DDI2: variants seen among roughly 807,000 people sequenced by gnomAD.
The protein encoded by DDI2 is protein DDI1 homolog 2.
Under a neutral mutation model 48.1 loss-of-function variants are expected in DDI2, and 5 were observed. The ratio of observed to expected loss-of-function variants is 0.10; its 90% CI spans 0.05 to 0.22. DDI2 has a LOEUF of 0.22. DDI2 is among the 10% of genes least tolerant of loss of function. The pLI, the probability that DDI2 is intolerant of heterozygous loss-of-function variation, is 1.00. For missense variants in DDI2, 285 were observed against 506.2 expected, an observed-to-expected ratio of 0.56 and a Z score of 4.19; for synonymous variants, 205 against 183.6, an observed-to-expected ratio of 1.12 and a Z score of -0.94.
intron 4 of DDI2, chr1:15,633,904 A>G (rs1183469585): frequency 2.3e-6 from 1 of 441,554 alleles, no homozygotes; most frequent in Non-Finnish European, 4.5e-6. Flanking sequence ...CTGGTTGCAT[A>G]TTACATGGGC....
chr1:15,631,660 C>T (rs867713431), intron 3 of DDI2, among the ~76,000 whole-genome samples: 1 of 152,180 alleles, frequency 6.6e-6, no homozygotes, highest in Admixed American at 6.5e-5. Flanking sequence ...ATTTCTCTCA[C>T]TCCAGAAAGT....
chr1:15,636,642 T>G (rs1639934701), intron 4 of DDI2, among the ~76,000 whole-genome samples: 1 of 152,202 alleles, frequency 6.6e-6, no homozygotes, highest in Non-Finnish European at 1.5e-5. Flanking sequence ...CAGCTAATTA[T>G]AGTGATAGGG....
At chr1:15,658,659 C>T (rs1251757596) in intron 9 of DDI2, among the ~76,000 whole-genome samples, 1 of 151,116 alleles carries the variant, frequency 6.6e-6, no homozygotes, top group Non-Finnish European at 1.5e-5. Context: ...TACTCTGAGG[C>T]AGGAGAATCG....
In DDI2 at chr1:15,638,214, T is replaced by G; in HGVS notation, c.633-93T>G. The stretch of plus-strand genomic sequence containing the variant: ...GCTGCTGTGCTTGGGGCAAAAGATA[T>G]GTACAAATCTGTTTTTTAATATTGT... On this transcript the variant is annotated intron_variant, in intron 4 of 9. Transcript: ENST00000480945. The G allele has an allele frequency of 2.5e-6, 4 of 1,572,340 alleles. No individual in the cohort carries two copies. The South Asian group carries it at 4.5e-5, about 18-fold the overall frequency.
At chr1:15,659,560 A>C (rs963073802) in intron 9 of DDI2, among the ~76,000 whole-genome samples, 2 of 152,228 alleles carry the variant, frequency 1.3e-5, no homozygotes, top group African/African-American at 4.8e-5. Flanking sequence ...CCTGAGCACT[A>C]ACCCCGCCAT....
chr1:15,653,687 A>G (rs1241837861), intron 8 of DDI2, among the ~76,000 whole-genome samples: 3 of 152,014 alleles, frequency 2.0e-5, no homozygotes, highest in African/African-American at 7.3e-5. Flanking sequence ...TGTAAAGATG[A>G]GGTTTTGCCA....
chr1:15,647,209 G>A lies in DDI2; in HGVS notation c.890-2511G>A, dbSNP rs111664387. Among the ~76,000 whole-genome samples, 172 of 151,470 alleles carry A rather than the reference G, an allele frequency of 1.1e-3. 1 individual carries two copies. The highest frequency in any genetic ancestry group is 2.1e-3 in the Non-Finnish European group (140 of 67,904). ...GTTGCCCACACTGGAGTGCGGTGGC[G>A]TAATCTTGGCTCACTTCAACCTGTG... On this transcript the variant is annotated intron_variant, in intron 6 of 9. Transcript: ENST00000480945.
rs1204754989 is a variant in DDI2 at position 15,645,189 on chromosome 1, G to A, written c.889+1539G>A. On this transcript the variant is annotated intron_variant, in intron 6 of 9. Transcript: ENST00000480945. ...ATTATGGCGTGAGCCACCGTTCCCAGCCTTCTTTTTCTTCTTTGAAGCTTG... is the reference window on the plus strand; with the variant it reads ...ATTATGGCGTGAGCCACCGTTCCCAACCTTCTTTTTCTTCTTTGAAGCTTG... Among the ~76,000 whole-genome samples, 3 of 152,256 alleles carry A rather than the reference G, an allele frequency of 2.0e-5. No homozygotes were observed. In the East Asian group the frequency reaches 5.8e-4, roughly 29 times the overall value.
chr1:15,633,167 G>A (rs917713690), intron 3 of DDI2, among the ~76,000 whole-genome samples: 1 of 151,872 alleles, frequency 6.6e-6, no homozygotes, highest in Non-Finnish European at 1.5e-5. Flanking sequence ...AGGCTCAAAC[G>A]GTCCTCCCAC....
In DDI2 at chr1:15,659,882, C is replaced by G. The variant is rs1362885562; in HGVS notation, c.*92C>G. On this transcript the variant is annotated 3_prime_UTR_variant, in exon 10 of 10. Transcript: ENST00000480945. ...ACCTCACTGGGAATGTCATCATTACCAACTTCAGATGGGTTTAACCATCCC... is the reference window on the plus strand; with the variant it reads ...ACCTCACTGGGAATGTCATCATTACGAACTTCAGATGGGTTTAACCATCCC... 1 of 1,577,436 alleles carries G rather than the reference C, an allele frequency of 6.3e-7. No individual in the cohort carries two copies. The highest frequency in any genetic ancestry group is 1.9e-5 in the Admixed American group (1 of 52,224).
intron 8 of DDI2, among the ~76,000 whole-genome samples, 175 bp downstream of exon 8, chr1:15,652,070 T>C (rs562222394): frequency 7.0e-6 from 1 of 142,600 alleles, no homozygotes; most frequent in Non-Finnish European, 1.5e-5. Context: ...TTTTTTTTTT[T>C]TTTTTTTTTT....
At chr1:15,619,769 G>GT (rs1639628395) in intron 1 of DDI2, among the ~76,000 whole-genome samples, 1 of 152,018 alleles carries the variant, frequency 6.6e-6, no homozygotes, top group Non-Finnish European at 1.5e-5. Context: ...TTTTTCAATT[G>GT]TTTTTTCCTC....
intron 2 of DDI2, among the ~76,000 whole-genome samples, chr1:15,629,900 T>G (rs970882306): frequency 1.3e-5 from 2 of 151,816 alleles, no homozygotes; most frequent in South Asian, 2.1e-4. Flanking sequence ...CCCAGCTAAT[T>G]TTTGTATATT....
chr1:15,641,579 C>G (rs1640008452), intron 5 of DDI2, among the ~76,000 whole-genome samples: 1 of 152,118 alleles, frequency 6.6e-6, no homozygotes. Flanking sequence ...ATTACGCATC[C>G]ACGGAGTGGT....
chr1:15,629,266 A>G (rs187222207), intron 2 of DDI2, among the ~76,000 whole-genome samples: 2 of 152,324 alleles, frequency 1.3e-5, no homozygotes, highest in Admixed American at 6.5e-5. Flanking sequence ...AGAATTTAGC[A>G]TCTAATATTT....
chr1:15,627,006 C>A, intron 2 of DDI2: 1 of 612,564 alleles, frequency 1.6e-6, no homozygotes, highest in Non-Finnish European at 2.8e-6. Context: ...TAATTAACCC[C>A]AACTCCTAAA....
rs1553152999 is a variant in DDI2, at chr1:15,623,387, C to CTTCTTTTTTT, written c.139-3280_139-3279insCTTTTTTTTT. Among the ~76,000 whole-genome samples, 222 of 107,480 alleles carry CTTCTTTTTTT rather than the reference C, an allele frequency of 2.1e-3. 4 individuals carry two copies. Among genetic ancestry groups the CTTCTTTTTTT allele is most frequent in the African/African-American group, 7.4e-3 (196 of 26,596 alleles). The allele number at this position is 107,480 out of a possible 152,430, so 70.5% of individuals were successfully genotyped here. A position where few individuals can be genotyped will look rare whatever the true frequency, so the allele number is the denominator to read the frequency against. ...CAGTTCCAATTGCAGTTTTCTTCTT[C>CTTCTTTTTTT]TTTTTTTTTTTTTTTTTTTTTTAAG... is the stretch of plus-strand genomic sequence containing the variant. On this transcript the variant is annotated intron_variant, in intron 1 of 9. Transcript: ENST00000480945.
chr1:15,646,498 C>A (rs912390282), intron 6 of DDI2, among the ~76,000 whole-genome samples: 1 of 152,086 alleles, frequency 6.6e-6, no homozygotes, highest in Non-Finnish European at 1.5e-5. Flanking sequence ...ACCAGCCTGG[C>A]CAACATGGTG....
chr1:15,629,547 A>G (rs925148883), intron 2 of DDI2, among the ~76,000 whole-genome samples: 1 of 151,390 alleles, frequency 6.6e-6, no homozygotes, highest in African/African-American at 2.4e-5. Flanking sequence ...CAGTGAGGCA[A>G]GATCGTGCCA....
Sources: gnomAD v4.1 joint callset for allele counts (sites outside exome capture counted in the v4.1 genomes callset) on GRCh38, gnomAD v4.1.1 for gene constraint, MANE v1.5 for transcripts, NCBI Gene and HGNC (gene_info 2026-07-23, HGNC 2026-07-21) for gene names.